The following NUP210L variants were observed in gnomAD, a reference collection of about 807,000 sequenced individuals.
NUP210L encodes nuclear pore membrane glycoprotein 210-like.
In NUP210L, 74 loss-of-function variants were observed where a neutral mutation model predicts 208.5. That is an observed-to-expected ratio of 0.35 (90% CI 0.29 to 0.43). The LOEUF (loss-of-function observed/expected upper bound fraction) is 0.43, where lower values mean the gene tolerates loss of function less well. Among genes scored for constraint, NUP210L ranks in the 20% least tolerant of loss-of-function variants. NUP210L has a pLI of 1.00. For missense variants in NUP210L, 1,843 were observed against 2,289.4 expected (o/e 0.81, Z 3.98); for synonymous variants, 780 against 816.9 (o/e 0.95, Z 0.77).
At chr1:154,137,566 AG>A (rs1258537559) in intron 6 of NUP210L, among the ~76,000 whole-genome samples, 1 of 132,014 alleles carries the variant, frequency 7.6e-6, no homozygotes, top group Non-Finnish European at 1.6e-5. Flanking sequence ...AAAAAAAAAA[AG>A]AGCTTGATAT....
intron 25 of NUP210L, among the ~76,000 whole-genome samples, chr1:154,048,755 C>G (rs943984076): frequency 6.6e-6 from 1 of 152,024 alleles, no homozygotes; most frequent in South Asian, 2.1e-4. Flanking sequence ...CCCTTGCCAG[C>G]GGGGATGATA....
At chr1:154,120,424 C>A (rs547244137) in intron 10 of NUP210L, among the ~76,000 whole-genome samples, 17 of 151,872 alleles carry the variant, frequency 1.1e-4, no homozygotes, top group Non-Finnish European at 2.2e-4. Flanking sequence ...GGGAATTGAA[C>A]AATGAGAACA....
At chr1:154,148,105 A>C (rs1410290786) in intron 2 of NUP210L, among the ~76,000 whole-genome samples, 1 of 151,002 alleles carries the variant, frequency 6.6e-6, no homozygotes, top group Admixed American at 6.6e-5. Context: ...TGTCTCTATT[A>C]AAATACAAAA....
intron 23 of NUP210L, among the ~76,000 whole-genome samples, chr1:154,055,160 T>TTTCTTTCTTTCTTTC (rs1653776355): frequency 8.2e-6 from 1 of 122,178 alleles, no homozygotes; most frequent in Non-Finnish European, 1.7e-5. Context: ...TCTTTCTTTC[T>TTTCTTTCTTTCTTTC]TTCTTTCTTT....
exon 32 of NUP210L, chr1:154,022,146 G>C (rs761350770): frequency 1.9e-6 from 3 of 1,613,632 alleles, no homozygotes; most frequent in Non-Finnish European, 1.7e-6. Flanking sequence ...GACAAGGTGA[G>C]TACTGAAGCA....
chr1:154,091,753 G>A (rs559050586), intron 15 of NUP210L, among the ~76,000 whole-genome samples: 33 of 151,254 alleles, frequency 2.2e-4, no homozygotes, highest in African/African-American at 7.3e-4. Context: ...TGCCCGCTTC[G>A]GTCTCCCAAA....
intron 15 of NUP210L, among the ~76,000 whole-genome samples, chr1:154,093,387 C>G (rs1035689642): frequency 6.6e-6 from 1 of 151,962 alleles, no homozygotes; most frequent in African/African-American, 2.4e-5. Flanking sequence ...AAGATTGTGC[C>G]ATTGCACTCC....
rs770806647 is a variant in NUP210L at position 154,027,506 on chromosome 1, C to T, written c.3947G>A (p.Arg1316Lys). ...CTTCCTTATTCTCCCTTTTCCTTAC[C>T]TGTTGGTATGGAGTTTGAGCTGAGA... Residue 1316 changes from arginine (R) to lysine (K), a missense_variant and splice_region_variant, in exon 29 of 40, where the codon AGG (arginine) becomes AAG (lysine). Physicochemically the swap from Arg to Lys is conservative, Grantham distance 26. Transcript: ENST00000368559. The T allele has an allele frequency of 2.5e-6, 4 of 1,601,196 alleles. No individual in the cohort carries two copies. In the Admixed American group the frequency reaches 5.0e-5, roughly 20 times the overall value.
chr1:154,067,490 C>T (rs1571232566), intron 17 of NUP210L, among the ~76,000 whole-genome samples: 1 of 152,166 alleles, frequency 6.6e-6, no homozygotes, highest in South Asian at 2.1e-4. Flanking sequence ...CAATATCATA[C>T]TGAAATGCGC....
chr1:154,046,195 T>A (rs1015241436), exon 27 of NUP210L: 2 of 1,614,076 alleles, frequency 1.2e-6, no homozygotes, highest in Admixed American at 1.7e-5. Flanking sequence ...TGACATAAAC[T>A]GGCATCTGAA....
chr1:154,028,643 G>A (rs902112700), intron 28 of NUP210L, among the ~76,000 whole-genome samples: 12 of 152,090 alleles, frequency 7.9e-5, no homozygotes, highest in Admixed American at 5.9e-4. Context: ...TCTATGTCAG[G>A]TGGAGTGGAT....
chr1:153,996,841 G>GACTT (rs1649900824), intron 37 of NUP210L, among the ~76,000 whole-genome samples: 1 of 138,322 alleles, frequency 7.2e-6, no homozygotes, highest in African/African-American at 2.7e-5. Context: ...TAAAACTGTA[G>GACTT]ACTTGCCTTT....
chr1:154,112,758 G>A lies in NUP210L; in HGVS notation c.1620+4967C>T, dbSNP rs562364708. ...GTAGTCCCAGCTACTTGAAAAGCTC[G>A]GGTGGGAAGATTGGATGAGACCAGG... is the stretch of plus-strand genomic sequence containing the variant. On this transcript the variant is annotated intron_variant, in intron 12 of 39. Coordinates refer to ENST00000368559, the Ensembl canonical transcript of NUP210L. Among the ~76,000 whole-genome samples, 9 of 151,942 alleles carry A rather than the reference G, an allele frequency of 5.9e-5. No homozygotes were observed. The South Asian group carries it at 1.0e-3, about 18-fold the overall frequency.
At chr1:154,115,648 A>T (rs1657282517) in intron 12 of NUP210L, among the ~76,000 whole-genome samples, 1 of 152,160 alleles carries the variant, frequency 6.6e-6, no homozygotes, top group African/African-American at 2.4e-5. Flanking sequence ...TCATTTTCTT[A>T]AAATGTTATT....
intron 37 of NUP210L, among the ~76,000 whole-genome samples, chr1:153,995,477 ACTT>A (rs1365933276): frequency 6.6e-6 from 1 of 152,168 alleles, no homozygotes; most frequent in Non-Finnish European, 1.5e-5. Context: ...CGTCTTTTTG[ACTT>A]CTTCCTATCT....
chr1:154,099,406 T>G (rs1301313012), intron 14 of NUP210L, among the ~76,000 whole-genome samples: 4 of 152,114 alleles, frequency 2.6e-5, no homozygotes, highest in African/African-American at 9.7e-5. Context: ...CCCAGCTGCA[T>G]CTCCCTGCTG....
At chr1:154,115,275 G>T (rs956169701) in intron 12 of NUP210L, among the ~76,000 whole-genome samples, 1 of 152,156 alleles carries the variant, frequency 6.6e-6, no homozygotes, top group Non-Finnish European at 1.5e-5. Flanking sequence ...CTACAGCAAG[G>T]ATTGGCAAAG....
chr1:154,006,966 ATTTTT>A lies in NUP210L; in HGVS notation c.4930+3001_4930+3005del, dbSNP rs1196661554. On this transcript the variant is annotated intron_variant, in intron 35 of 39. Transcript: ENST00000368559. ...TGTGTGTATATATATATATATATAT[ATTTTT>A]TTTTTTTTTTTAAATGGAGTTTCGC... Among the ~76,000 whole-genome samples, 8 of 115,780 alleles carry A rather than the reference ATTTTT, an allele frequency of 6.9e-5. No individual in the cohort carries two copies. The East Asian group carries it at 7.5e-4, about 11-fold the overall frequency. 76.0% of individuals were successfully genotyped at this position (115,780 alleles called of 152,430 possible). A position where few individuals can be genotyped will look rare whatever the true frequency, so the allele number is the denominator to read the frequency against.
intron 23 of NUP210L, 75 bp downstream of exon 23, chr1:154,056,740 G>T: frequency 6.9e-7 from 1 of 1,441,272 alleles, no homozygotes; most frequent in Non-Finnish European, 9.3e-7. Context: ...TTTTTAACTT[G>T]TATAAACTAA....
Sources: gnomAD v4.1 joint callset for allele counts (sites outside exome capture counted in the v4.1 genomes callset) on GRCh38, gnomAD v4.1.1 for gene constraint, MANE v1.5 for transcripts, NCBI Gene and HGNC (gene_info 2026-07-23, HGNC 2026-07-21) for gene names.